RBFOX1: variants seen among roughly 807,000 people sequenced by gnomAD.
RBFOX1 encodes the protein RNA binding fox-1 homolog 1.
Under a neutral mutation model 57.7 loss-of-function variants are expected in RBFOX1, and 8 were observed. The observed-to-expected ratio is 0.14, with a 90% CI of 0.08 to 0.25. RBFOX1 has a LOEUF of 0.25. Ranked by LOEUF, RBFOX1 falls within the 10% of genes least tolerant of loss-of-function variation. The pLI is 1.00. For synonymous variants in RBFOX1, 326 were observed against 222.4 expected (o/e 1.47, Z -4.15); for missense variants, 611 against 548.5 (o/e 1.11, Z -1.14).
chr16:6,088,819 A>C (rs8057646), intron 1 of RBFOX1, among the ~76,000 whole-genome samples: 3 of 152,094 alleles, frequency 2.0e-5, no homozygotes, highest in Non-Finnish European at 4.4e-5. Context: ...TGATCCGGCC[A>C]GGCGCGGTGG....
At chr16:6,858,904 G>T (rs909253363) in intron 3 of RBFOX1, among the ~76,000 whole-genome samples, 1 of 151,442 alleles carries the variant, frequency 6.6e-6, no homozygotes, top group East Asian at 1.9e-4. Context: ...AGTATCATGT[G>T]GTCAGTAAGT....
At chr16:5,357,172 C>T (rs1233385979) in intron 1 of RBFOX1, among the ~76,000 whole-genome samples, 1 of 152,188 alleles carries the variant, frequency 6.6e-6, no homozygotes, top group Non-Finnish European at 1.5e-5. Flanking sequence ...TCCCTGGGAA[C>T]TGTACCTCTC....
At chr16:6,235,558 ATGTGTGTGTGTGTGTG>A (rs3064942) in intron 1 of RBFOX1, among the ~76,000 whole-genome samples, 8 of 147,164 alleles carry the variant, frequency 5.4e-5, no homozygotes, top group Admixed American at 4.8e-4. Context: ...GCGTGTATGT[ATGTGTGTGTGTGTGTG>A]TGTGTGTGTG....
chr16:7,373,666 G>C (rs1476607989), intron 4 of RBFOX1, among the ~76,000 whole-genome samples: 3 of 151,838 alleles, frequency 2.0e-5, no homozygotes, highest in Admixed American at 2.0e-4. Flanking sequence ...AGTGGTGTCT[G>C]ACCTGTGTTG....
At chr16:5,817,584 G>C (rs986973566) in intron 3 of RBFOX1, among the ~76,000 whole-genome samples, 9 of 152,130 alleles carry the variant, frequency 5.9e-5, no homozygotes, top group African/African-American at 2.2e-4. Flanking sequence ...CCCTTAGTGG[G>C]AGAAGCCCAG....
chr16:6,924,631 C>T (rs946841760), intron 3 of RBFOX1, among the ~76,000 whole-genome samples: 5 of 151,982 alleles, frequency 3.3e-5, no homozygotes, highest in African/African-American at 1.2e-4. Context: ...CAAGTACCTA[C>T]CTCTTGTCCT....
chr16:7,535,948 C>G (rs900680641), intron 5 of RBFOX1, among the ~76,000 whole-genome samples: 17 of 152,186 alleles, frequency 1.1e-4, no homozygotes, highest in African/African-American at 4.1e-4. Context: ...AGGCGCAGAA[C>G]TGGGCCTTGG....
Position 6,303,805 on chromosome 16 carries a change from C to CTTTT in RBFOX1, c.-126-13169_-126-13166dup, listed in dbSNP as rs1177185329. Among the ~76,000 whole-genome samples the CTTTT allele has an allele frequency of 1.6e-3, 114 of 70,390 alleles. 1 individual carries two copies. Among genetic ancestry groups the CTTTT allele is most frequent in the Admixed American group, 1.7e-3 (8 of 4,654 alleles). 46.2% of individuals were successfully genotyped at this position (70,390 alleles called of 152,430 possible). On this transcript the variant is annotated intron_variant, in intron 1 of 15. Coordinates refer to ENST00000550418, the MANE Select transcript of RBFOX1 (RefSeq NM_018723.4). ...TCTGGCTAACATGGTGAAACCCTGTCTTTTTTTTTTTTTTTTTTTTTTTTG... is the reference window on the plus strand; with the variant it reads ...TCTGGCTAACATGGTGAAACCCTGTCTTTTTTTTTTTTTTTTTTTTTTTTTTTTG...
chr16:6,916,022 T>C (rs2073075260), intron 3 of RBFOX1, among the ~76,000 whole-genome samples: 1 of 152,114 alleles, frequency 6.6e-6, no homozygotes, highest in African/African-American at 2.4e-5. Context: ...TAAAGACAGC[T>C]GTCTTGACTG....
intron 4 of RBFOX1, among the ~76,000 whole-genome samples, chr16:7,353,141 T>A (rs1048698637): frequency 6.6e-6 from 1 of 152,194 alleles, no homozygotes; most frequent in Admixed American, 6.5e-5. Flanking sequence ...ATAGCTAATA[T>A]TTTCTTTGAA....
At chr16:7,506,108 C>T (rs938621888) in intron 4 of RBFOX1, among the ~76,000 whole-genome samples, 1 of 144,650 alleles carries the variant, frequency 6.9e-6, no homozygotes, top group Admixed American at 7.3e-5. Context: ...CTGCTTGAAC[C>T]CAGGAGGCGG....
chr16:7,467,707 G>C (rs181777338), intron 4 of RBFOX1, among the ~76,000 whole-genome samples: 133 of 152,326 alleles, frequency 8.7e-4, no homozygotes, highest in African/African-American at 3.1e-3. Context: ...TATAAACTCG[G>C]ATCTGTCTAC....
At chr16:7,393,166 A>T (rs1381591696) in intron 4 of RBFOX1, among the ~76,000 whole-genome samples, 1 of 151,994 alleles carries the variant, frequency 6.6e-6, no homozygotes, top group African/African-American at 2.4e-5. Context: ...GAGCCACCGC[A>T]CCCCACCTGG....
intron 3 of RBFOX1, among the ~76,000 whole-genome samples, chr16:6,764,416 A>G (rs2077044342): frequency 6.6e-6 from 1 of 152,138 alleles, no homozygotes. Context: ...TAGTTCTGTT[A>G]CCAGCAGGTA....
At chr16:5,704,116 T>C (rs1056187635) in intron 3 of RBFOX1, among the ~76,000 whole-genome samples, 5 of 152,088 alleles carry the variant, frequency 3.3e-5, no homozygotes, top group Admixed American at 2.6e-4. Flanking sequence ...TACAGAAGAC[T>C]TGGGGCACAT....
At chr16:6,072,128 A>G (rs752948374) in intron 1 of RBFOX1, among the ~76,000 whole-genome samples, 2 of 152,176 alleles carry the variant, frequency 1.3e-5, no homozygotes, top group Non-Finnish European at 2.9e-5. Flanking sequence ...CACATCTTAC[A>G]TGGCTGCAGG....
chr16:7,560,604 T>A (rs890583483), intron 5 of RBFOX1, among the ~76,000 whole-genome samples: 1 of 152,156 alleles, frequency 6.6e-6, no homozygotes, highest in Non-Finnish European at 1.5e-5. Context: ...CTAATTTGTT[T>A]CTCTATGGCC....
chr16:6,556,209 G>A (rs1462764386), intron 2 of RBFOX1, among the ~76,000 whole-genome samples: 1 of 152,170 alleles, frequency 6.6e-6, no homozygotes, highest in Non-Finnish European at 1.5e-5. Context: ...GGAATTGGGT[G>A]TTCTTTATCA....
At chr16:7,581,537 G>A (rs533710973) in intron 6 of RBFOX1, among the ~76,000 whole-genome samples, 4 of 152,170 alleles carry the variant, frequency 2.6e-5, no homozygotes, top group African/African-American at 4.8e-5. Context: ...CTCAGTTATC[G>A]TGAAAGTTAC....
Sources: allele counts gnomAD v4.1 joint callset (sites outside exome capture counted in the v4.1 genomes callset), GRCh38; gene constraint gnomAD v4.1.1; transcripts MANE v1.5; gene names NCBI Gene and HGNC (gene_info 2026-07-23, HGNC 2026-07-21).